BCAR3: variants seen among roughly 807,000 people sequenced by gnomAD.
BCAR3 encodes the protein BCAR3 adaptor protein, NSP family member.
In BCAR3, 37 loss-of-function variants were observed where a neutral mutation model predicts 80.1. The ratio of observed to expected loss-of-function variants is 0.46; its 90% CI spans 0.36 to 0.61. The LOEUF (loss-of-function observed/expected upper bound fraction) is 0.61, where lower values mean the gene tolerates loss of function less well. Ranked by LOEUF, BCAR3 falls within the 20% of genes least tolerant of loss-of-function variation. BCAR3 has a pLI of 0.00. For synonymous variants in BCAR3, 389 were observed against 418.9 expected (o/e 0.93, Z 0.87); for missense variants, 978 against 1,068.2 (o/e 0.92, Z 1.18).
intron 2 of BCAR3, among the ~76,000 whole-genome samples, chr1:93,768,485 T>G (rs2100737915): frequency 6.6e-6 from 1 of 152,256 alleles, no homozygotes; most frequent in East Asian, 1.9e-4. Flanking sequence ...GAAAAGTGTC[T>G]GTGGGAGGAT....
intron 2 of BCAR3, among the ~76,000 whole-genome samples, chr1:93,830,857 A>G (rs1255897843): frequency 2.0e-5 from 3 of 151,866 alleles, no homozygotes; most frequent in Non-Finnish European, 4.4e-5. Context: ...CAGACCAACC[A>G]GCCCAAGAAA....
At chr1:93,702,136 T>C (rs1649667087) in intron 3 of BCAR3, among the ~76,000 whole-genome samples, 1 of 152,116 alleles carries the variant, frequency 6.6e-6, no homozygotes, top group Non-Finnish European at 1.5e-5. Flanking sequence ...AGGGCCAGCA[T>C]ACCTACCCCT....
In BCAR3 at chr1:93,586,449, G is replaced by A. The variant is rs1673947168; in HGVS notation, c.930-2328C>T. Among the ~76,000 whole-genome samples, 1 of 152,170 alleles carries A rather than the reference G, an allele frequency of 6.6e-6. No homozygotes were observed. Among genetic ancestry groups the A allele is most frequent in the African/African-American group, 2.4e-5 (1 of 41,430 alleles). ...ACACATTTCCCTTATCTATTCAGCT[G>A]TTGATGGACACTTAGGCTGCTTCCA... On this transcript the variant is annotated intron_variant, in intron 5 of 11. Coordinates refer to ENST00000260502, the MANE Select transcript of BCAR3 (RefSeq NM_003567.4). The surrounding 1 kb of genome is among the most constrained non-coding windows in gnomAD (Gnocchi z 4.2).
intron 2 of BCAR3, among the ~76,000 whole-genome samples, chr1:93,643,018 G>C (rs1377384738): frequency 1.3e-5 from 2 of 151,774 alleles, no homozygotes; most frequent in Non-Finnish European, 2.9e-5. Context: ...AAGGCAGGTG[G>C]GGAGTTCGAG....
chr1:93,645,766 T>C (rs1196570357), intron 2 of BCAR3, among the ~76,000 whole-genome samples: 1 of 150,352 alleles, frequency 6.7e-6, no homozygotes, highest in South Asian at 2.1e-4. Context: ...TATATAATTT[T>C]ATAATATTTA....
At position 93,618,938 on chromosome 1, in the gene BCAR3, TG is replaced by T. The variant is rs370384984; in HGVS notation, c.357+23365del. 4.9e-3 allele frequency among the ~76,000 whole-genome samples: 696 copies of T among 142,648 alleles called. 6 individuals carry two copies. Among genetic ancestry groups the T allele is most frequent in the African/African-American group, 0.017 (627 of 37,182 alleles). 93.6% of individuals were successfully genotyped at this position (142,648 alleles called of 152,430 possible). On this transcript the variant is annotated intron_variant, in intron 3 of 11. Coordinates refer to ENST00000260502, the MANE Select transcript of BCAR3 (RefSeq NM_003567.4). ...TGAAGCCGTGGGTTTTTTTTTTTTT[TG>T]TTTTTTTTTTTTTAATCTGAGACGG...
intron 2 of BCAR3, among the ~76,000 whole-genome samples, chr1:93,661,688 C>T (rs971242921): frequency 1.3e-5 from 2 of 152,102 alleles, no homozygotes; most frequent in Admixed American, 1.3e-4. Context: ...GGGGTTTCAC[C>T]CTGTTGGTCA....
intron 5 of BCAR3, among the ~76,000 whole-genome samples, chr1:93,588,069 T>C (rs1282908494): frequency 6.6e-6 from 1 of 152,018 alleles, no homozygotes; most frequent in Non-Finnish European, 1.5e-5. Context: ...ATCTTAGAAA[T>C]CTCATCTGTT....
chr1:93,732,777 C>A (rs1390633945), intron 2 of BCAR3, among the ~76,000 whole-genome samples: 1 of 152,168 alleles, frequency 6.6e-6, no homozygotes, highest in Non-Finnish European at 1.5e-5. Context: ...CTGCAGAAAA[C>A]AGCCTCAGGA....
intron 3 of BCAR3, among the ~76,000 whole-genome samples, chr1:93,705,603 T>C (rs998716027): frequency 2.0e-5 from 3 of 152,198 alleles, no homozygotes; most frequent in African/African-American, 7.2e-5. Flanking sequence ...CAGGGTCTGT[T>C]TGGGATACAA....
At chr1:93,655,993 C>G (rs1221640425) in intron 2 of BCAR3, among the ~76,000 whole-genome samples, 1 of 152,196 alleles carries the variant, frequency 6.6e-6, no homozygotes, top group African/African-American at 2.4e-5. Context: ...GCAGGACATT[C>G]TCTGTTTTCA....
At chr1:93,647,222 T>C (rs236305) in intron 2 of BCAR3, among the ~76,000 whole-genome samples, 2 of 152,156 alleles carry the variant, frequency 1.3e-5, no homozygotes, top group Non-Finnish European at 2.9e-5. Context: ...TTTATAAGAA[T>C]GATTCTTGTG....
chr1:93,668,555 C>G (rs1266442109), intron 2 of BCAR3, among the ~76,000 whole-genome samples: 1 of 152,206 alleles, frequency 6.6e-6, no homozygotes, highest in Non-Finnish European at 1.5e-5. Flanking sequence ...CAAAATGTTA[C>G]TAAAACTCAA....
At chr1:93,566,416 G>A (rs1019099461) in intron 11 of BCAR3, among the ~76,000 whole-genome samples, 8 of 152,056 alleles carry the variant, frequency 5.3e-5, no homozygotes, top group African/African-American at 1.7e-4. Context: ...TGCATTTATC[G>A]TACCTGCTTA....
At chr1:93,589,545 C>A in intron 4 of BCAR3, 126 bp from the exon 5 acceptor site, 1 of 834,254 alleles carries the variant, frequency 1.2e-6, no homozygotes, top group Non-Finnish European at 1.8e-6. Flanking sequence ...TGGGTCAGCT[C>A]TTTAGTTTTT....
intron 2 of BCAR3, among the ~76,000 whole-genome samples, chr1:93,709,219 C>T (rs77512445): frequency 1.7e-3 from 260 of 152,310 alleles, no homozygotes; most frequent in Non-Finnish European, 3.0e-3. Flanking sequence ...GTGCTCATGA[C>T]TGCTCAGGCA....
chr1:93,754,662 A>G (rs1651686530), intron 2 of BCAR3, among the ~76,000 whole-genome samples: 1 of 152,224 alleles, frequency 6.6e-6, no homozygotes, highest in Non-Finnish European at 1.5e-5. Context: ...ATCGCAGTGC[A>G]GTGCATTCCT....
intron 2 of BCAR3, among the ~76,000 whole-genome samples, chr1:93,762,597 G>A (rs1198592432): frequency 6.6e-6 from 1 of 152,208 alleles, no homozygotes; most frequent in African/African-American, 2.4e-5. Context: ...ACGGACTCAT[G>A]CTTCTCTGCT....
intron 2 of BCAR3, among the ~76,000 whole-genome samples, chr1:93,772,762 C>T (rs1487774062): frequency 3.3e-5 from 5 of 152,182 alleles, no homozygotes; most frequent in South Asian, 2.1e-4. Context: ...TGCGCCACCA[C>T]GCCCAGCTAA....
Sources: allele counts gnomAD v4.1 joint callset (sites outside exome capture counted in the v4.1 genomes callset), GRCh38; gene constraint gnomAD v4.1.1; non-coding constraint Gnocchi (gnomAD v3.1); transcripts MANE v1.5; gene names NCBI Gene and HGNC (gene_info 2026-07-23, HGNC 2026-07-21).